ANTXR2: variants seen among roughly 807,000 people sequenced by gnomAD.
The protein encoded by ANTXR2 is ANTXR cell adhesion molecule 2.
A neutral mutation model predicts 73.7 loss-of-function variants in ANTXR2; 44 were observed. The observed-to-expected ratio is 0.60, with a 90% CI of 0.47 to 0.77. The LOEUF (loss-of-function observed/expected upper bound fraction) is 0.77, where lower values mean the gene tolerates loss of function less well. Among genes scored for constraint, ANTXR2 ranks in the 30% least tolerant of loss-of-function variants. The pLI is 0.00. For missense variants in ANTXR2, 604 were observed against 592.5 expected (o/e 1.02, Z -0.20); for synonymous variants, 217 against 205.9 (o/e 1.05, Z -0.46).
rs1371860974 is a variant in ANTXR2 at position 79,965,092 on chromosome 4, TA to T, written c.1428+12528del. 3 of 24,612 alleles carry T rather than the reference TA, an allele frequency of 1.2e-4. No homozygotes were observed. In the East Asian group the frequency reaches 0.071, roughly 586 times the overall value. The allele number at this position is 24,612 out of a possible 1,614,324, so 1.5% of individuals were successfully genotyped here. ...CGTGCCCGGTGCGGCCTCCGAGCCA[TA>T]AGAGCCATAAAAGGGGCGCATTTGG... On this transcript the variant is annotated intron_variant, in intron 16 of 16. Coordinates refer to ENST00000403729, the MANE Select transcript of ANTXR2 (RefSeq NM_058172.6).
intron 7 of ANTXR2, among the ~76,000 whole-genome samples, chr4:80,051,493 T>C (rs1733771834): frequency 6.6e-6 from 1 of 151,710 alleles, no homozygotes; most frequent in Non-Finnish European, 1.5e-5. Context: ...TTCCTTCCAG[T>C]ATATACTTGA....
chr4:79,994,595 GAA>G (rs1730637005), intron 12 of ANTXR2, among the ~76,000 whole-genome samples: 1 of 94,178 alleles, frequency 1.1e-5, no homozygotes, highest in Non-Finnish European at 2.3e-5. Flanking sequence ...TTCCTCCTGA[GAA>G]TTACATCCTC....
chr4:80,040,841 C>T (rs988807829), intron 7 of ANTXR2, among the ~76,000 whole-genome samples: 1 of 151,156 alleles, frequency 6.6e-6, no homozygotes, highest in Admixed American at 6.6e-5. Context: ...ATCTGTTCAC[C>T]CAAAAAGTAA....
chr4:80,052,182 G>A (rs1368059286), intron 7 of ANTXR2, among the ~76,000 whole-genome samples: 2 of 151,562 alleles, frequency 1.3e-5, no homozygotes, highest in Middle Eastern at 3.4e-3. Context: ...TCACCCATTA[G>A]TTTGATAAAT....
Position 79,905,097 on chromosome 4 carries a change from T to C in ANTXR2, c.*2332A>G, listed in dbSNP as rs1451514669. 6.6e-6 allele frequency: 1 copy of C among 152,182 alleles called. No individual in the cohort carries two copies. Among genetic ancestry groups the C allele is most frequent in the South Asian group, 2.1e-4 (1 of 4,828 alleles). The allele number at this position is 152,182 out of a possible 1,614,324, so 9.4% of individuals were successfully genotyped here. ...CCTCTTCATTAAGAGCTCTTCATAGTAGCTGTATAACAATCTACAGAAAGT... is the reference window on the plus strand; with the variant it reads ...CCTCTTCATTAAGAGCTCTTCATAGCAGCTGTATAACAATCTACAGAAAGT... On this transcript the variant is annotated 3_prime_UTR_variant, in exon 17 of 17. Coordinates refer to ENST00000403729, the MANE Select transcript of ANTXR2 (RefSeq NM_058172.6).
intron 16 of ANTXR2, among the ~76,000 whole-genome samples, chr4:79,954,387 T>C (rs1728814842): frequency 6.6e-6 from 1 of 152,192 alleles, no homozygotes; most frequent in African/African-American, 2.4e-5. Flanking sequence ...TACTGTGAGA[T>C]GTTTTGATAA....
intron 16 of ANTXR2, among the ~76,000 whole-genome samples, chr4:79,976,322 G>A (rs1376521709): frequency 6.6e-6 from 1 of 152,196 alleles, no homozygotes; most frequent in African/African-American, 2.4e-5. Context: ...CAATTCTAAT[G>A]AGGTAGGAGG....
At position 80,010,057 on chromosome 4, in the gene ANTXR2, T is replaced by C. The variant is rs202172008; in HGVS notation, c.946-1441A>G. 1.2e-4 allele frequency among the ~76,000 whole-genome samples: 18 copies of C among 146,030 alleles called. No homozygotes were observed. The South Asian group carries it at 4.0e-3, about 32-fold the overall frequency. On this transcript the variant is annotated intron_variant, in intron 11 of 16. Coordinates refer to ENST00000403729, the MANE Select transcript of ANTXR2 (RefSeq NM_058172.6). ...TGTTTTGTTTTGTGGTTTTTTTTTTTATGAGAAAAAATTCAGGGAAGAAAA... is the reference window on the plus strand; with the variant it reads ...TGTTTTGTTTTGTGGTTTTTTTTTTCATGAGAAAAAATTCAGGGAAGAAAA...
At position 80,072,812 on chromosome 4, in the gene ANTXR2, G is replaced by T. The variant is rs901354788; in HGVS notation, c.-252C>A. The T allele has an allele frequency of 8.6e-5, 79 of 919,966 alleles. No homozygotes were observed. In the African/African-American group the frequency reaches 1.3e-3, roughly 15 times the overall value. 57.0% of individuals were successfully genotyped at this position (919,966 alleles called of 1,614,324 possible). The stretch of plus-strand genomic sequence containing the variant: ...TCTTGACGAATCCCAGTGGAAGCGC[G>T]ATCCAGTCCTCCCCCTCCCGATTCC... On this transcript the variant is annotated 5_prime_UTR_variant, in exon 1 of 17. Transcript: ENST00000403729.
intron 16 of ANTXR2, among the ~76,000 whole-genome samples, chr4:79,928,667 T>C (rs917565826): frequency 3.3e-5 from 5 of 152,156 alleles, no homozygotes; most frequent in African/African-American, 7.2e-5. Flanking sequence ...AAGAATAGTA[T>C]GAAAGATTTG....
chr4:80,034,551 T>C (rs1270558154), intron 8 of ANTXR2, among the ~76,000 whole-genome samples: 2 of 152,164 alleles, frequency 1.3e-5, no homozygotes, highest in African/African-American at 4.8e-5. Flanking sequence ...TTGTTTGGTC[T>C]ATCCTGTGGA....
chr4:80,055,521 G>T, intron 4 of ANTXR2, 54 bp from the exon 5 acceptor site: 1 of 1,415,074 alleles, frequency 7.1e-7, no homozygotes, highest in Non-Finnish European at 9.8e-7. Context: ...CTTTTAACCA[G>T]CATGTTCCAT....
At position 79,956,938 on chromosome 4, in the gene ANTXR2, A is replaced by G. The variant is rs370703076; in HGVS notation, c.1428+20683T>C. Among the ~76,000 whole-genome samples the G allele has an allele frequency of 9.9e-5, 15 of 152,284 alleles. No individual in the cohort carries two copies. In the South Asian group the frequency reaches 3.1e-3, roughly 32 times the overall value. On this transcript the variant is annotated intron_variant, in intron 16 of 16. Transcript: ENST00000403729. ...AACCTAAATTTGTGTTCTAAAAAAC[A>G]GAGTGGATTTATATTAGGAAAAAAG...
intron 7 of ANTXR2, among the ~76,000 whole-genome samples, chr4:80,040,416 T>G (rs1052893752): frequency 6.6e-6 from 1 of 152,102 alleles, no homozygotes; most frequent in Non-Finnish European, 1.5e-5. Flanking sequence ...ATAATATTAC[T>G]GACTGAACAT....
intron 14 of ANTXR2, among the ~76,000 whole-genome samples, chr4:79,979,300 A>G (rs754685825): frequency 9.2e-5 from 14 of 152,176 alleles, no homozygotes; most frequent in Non-Finnish European, 2.1e-4. Flanking sequence ...AACCAAGGAC[A>G]TCACCAAAAA....
intron 3 of ANTXR2, among the ~76,000 whole-genome samples, chr4:80,057,295 T>C (rs2110110470): frequency 6.6e-6 from 1 of 152,120 alleles, no homozygotes. Flanking sequence ...CATGTGTGTA[T>C]ACGTTTATAT....
chr4:80,041,883 G>A (rs1733282641), intron 7 of ANTXR2, among the ~76,000 whole-genome samples: 1 of 152,024 alleles, frequency 6.6e-6, no homozygotes, highest in Non-Finnish European at 1.5e-5. Context: ...GGGCAACTGG[G>A]TTGATTCCAT....
At position 79,983,985 on chromosome 4, in the gene ANTXR2, T is replaced by C. The variant is rs1363328464; in HGVS notation, c.1087-15A>G. Reference sequence around the variant, plus strand: ...TCTTCTTCCTCCTGTGGAAATATGTTTTATAAATAGTTTTTAATTAATTTC... The same window carrying C: ...TCTTCTTCCTCCTGTGGAAATATGTCTTATAAATAGTTTTTAATTAATTTC... On this transcript the variant is annotated splice_polypyrimidine_tract_variant and intron_variant, in intron 13 of 16. Coordinates refer to ENST00000403729, the MANE Select transcript of ANTXR2 (RefSeq NM_058172.6). 2.0e-6 allele frequency: 3 copies of C among 1,522,808 alleles called. No homozygotes were observed. Among genetic ancestry groups the C allele is most frequent in the Non-Finnish European group, 2.7e-6 (3 of 1,124,602 alleles). The allele number at this position is 1,522,808 out of a possible 1,614,324, so 94.3% of individuals were successfully genotyped here.
chr4:80,016,636 G>C (rs1383464213), intron 11 of ANTXR2, among the ~76,000 whole-genome samples: 1 of 152,102 alleles, frequency 6.6e-6, no homozygotes, highest in Non-Finnish European at 1.5e-5. Context: ...CATTTCCACT[G>C]CGATGTCCAA....
Sources: allele counts gnomAD v4.1 joint callset (sites outside exome capture counted in the v4.1 genomes callset), GRCh38; gene constraint gnomAD v4.1.1; transcripts MANE v1.5; gene names NCBI Gene and HGNC (gene_info 2026-07-23, HGNC 2026-07-21).